Variants in ABCC11 observed in about 807,000 individuals in gnomAD.
ABCC11 encodes ATP-binding cassette sub-family C member 11.
A neutral mutation model predicts 149.3 loss-of-function variants in ABCC11; 135 were observed. The ratio of observed to expected loss-of-function variants is 0.90; its 90% CI spans 0.79 to 1.04. The LOEUF (loss-of-function observed/expected upper bound fraction) is 1.04, where lower values mean the gene tolerates loss of function less well. ABCC11 is among the 50% of genes least tolerant of loss of function. The pLI, the probability that ABCC11 is intolerant of heterozygous loss-of-function variation, is 0.00. For missense variants in ABCC11, 1,680 were observed against 1,722.1 expected (o/e 0.98, Z 0.43); for synonymous variants, 665 against 671.4 (o/e 0.99, Z 0.15).
chr16:48,215,421 C>A, intron 7 of ABCC11, 77 bp from the exon 8 acceptor site: 2 of 1,510,230 alleles, frequency 1.3e-6, no homozygotes, highest in Non-Finnish European at 1.8e-6. Context: ...TTCAGCCTGG[C>A]ATAAGTAGGG....
chr16:48,169,915 TA>T (rs1461569571), intron 28 of ABCC11, among the ~76,000 whole-genome samples, 189 bp downstream of exon 28: 1 of 152,008 alleles, frequency 6.6e-6, no homozygotes. Flanking sequence ...TAAAGTATAA[TA>T]ATAAAAAAAA....
chr16:48,172,347 G>T (rs1403851713), intron 26 of ABCC11, among the ~76,000 whole-genome samples: 1 of 152,124 alleles, frequency 6.6e-6, no homozygotes, highest in Non-Finnish European at 1.5e-5. Context: ...ACACATATGG[G>T]TTGAAGTCTC....
chr16:48,208,890 T>G (rs956556541), intron 11 of ABCC11, among the ~76,000 whole-genome samples: 5 of 152,176 alleles, frequency 3.3e-5, no homozygotes, highest in Admixed American at 6.5e-5. Context: ...ATGCATGCAT[T>G]CATTTATTGA....
At position 48,193,875 on chromosome 16, in the gene ABCC11, T is replaced by C; in HGVS notation, c.2508+4A>G. The C allele has an allele frequency of 6.2e-7, 1 of 1,611,780 alleles. No individual in the cohort carries two copies. The highest frequency in any genetic ancestry group is 8.5e-7 in the Non-Finnish European group (1 of 1,178,240). On this transcript the variant is annotated splice_donor_region_variant and intron_variant, in intron 19 of 29. Coordinates refer to ENST00000356608, the MANE Select transcript of ABCC11 (RefSeq NM_001370497.1). ...ACACAGCCCATCCACCTCATGGCAC[T>C]CACCCCCGAGCCCTGCTCCAACCAG...
intron 10 of ABCC11, among the ~76,000 whole-genome samples, chr16:48,212,072 AGT>A (rs574653848): frequency 6.6e-6 from 1 of 152,206 alleles, no homozygotes; most frequent in Non-Finnish European, 1.5e-5. Flanking sequence ...GGGTGAACCC[AGT>A]GTCCCATGGG....
chr16:48,227,710 A>G lies in ABCC11; in HGVS notation c.395+96T>C, dbSNP rs1596834569. ...TACAGGAAGAGCCAAGTCGTCTGGC[A>G]TGGCCCCTCCCTACCACCCTTAGGC... is the stretch of plus-strand genomic sequence containing the variant. On this transcript the variant is annotated intron_variant, in intron 4 of 29. Coordinates refer to ENST00000356608, the MANE Select transcript of ABCC11 (RefSeq NM_001370497.1). The G allele has an allele frequency of 5.8e-6, 9 of 1,541,004 alleles. No individual in the cohort carries two copies. The East Asian group carries it at 2.0e-4, about 35-fold the overall frequency.
chr16:48,225,645 G>A (rs896043301), intron 4 of ABCC11, among the ~76,000 whole-genome samples: 8 of 152,074 alleles, frequency 5.3e-5, no homozygotes, highest in Non-Finnish European at 1.0e-4. Flanking sequence ...ACTTCCTGTC[G>A]CCTCACATCA....
At chr16:48,236,252 G>A (rs1312031581) in intron 1 of ABCC11, among the ~76,000 whole-genome samples, 2 of 152,134 alleles carry the variant, frequency 1.3e-5, no homozygotes, top group East Asian at 3.9e-4. Flanking sequence ...CTCTCACCTT[G>A]ATCTTTGCAT....
rs144013747 is a variant in ABCC11 at position 48,195,906 on chromosome 16, G to A, written c.2404+326C>T. 4.0e-3 allele frequency among the ~76,000 whole-genome samples: 605 copies of A among 152,226 alleles called. 2 individuals are homozygous for A. Among genetic ancestry groups the A allele is most frequent in the Non-Finnish European group, 6.8e-3 (460 of 68,018 alleles). On this transcript the variant is annotated intron_variant, in intron 18 of 29. Transcript: ENST00000356608. ...AGGGGCACTTTGGGAGGCTGAGATG[G>A]GAGGATTGCTTGAGGCCAGGAGCTC...
intron 22 of ABCC11, among the ~76,000 whole-genome samples, chr16:48,186,198 C>T (rs909888296): frequency 5.3e-5 from 8 of 152,154 alleles, no homozygotes; most frequent in Non-Finnish European, 8.8e-5. Flanking sequence ...TGAGCACATA[C>T]CGTCTCCCAA....
At chr16:48,209,636 A>C (rs568562467) in intron 11 of ABCC11, 1 of 152,746 alleles carries the variant, frequency 6.5e-6, no homozygotes, top group African/African-American at 2.4e-5. Flanking sequence ...GTGCAGGTCT[A>C]CCGCCCAGGT....
At chr16:48,178,769 G>T in intron 23 of ABCC11, 83 bp from the exon 24 acceptor site, 1 of 1,228,268 alleles carries the variant, frequency 8.1e-7, no homozygotes, top group Admixed American at 1.8e-5. Context: ...ACCACTGATT[G>T]CCATTGCCCC....
At chr16:48,167,686 G>T in intron 28 of ABCC11, 26 bp from the exon 29 acceptor site, 2 of 1,613,070 alleles carry the variant, frequency 1.2e-6, no homozygotes, top group Non-Finnish European at 8.5e-7. Context: ...CAGGGGTGAA[G>T]GTGTCTACTT....
chr16:48,196,149 T>C, intron 18 of ABCC11, 83 bp downstream of exon 18: 1 of 1,413,650 alleles, frequency 7.1e-7, no homozygotes, highest in South Asian at 1.2e-5. Flanking sequence ...CTACTTCACA[T>C]GACCTCACGT....
chr16:48,193,738 G>C, intron 19 of ABCC11, 141 bp downstream of exon 19: 1 of 647,246 alleles, frequency 1.5e-6, no homozygotes, highest in Non-Finnish European at 2.6e-6. Context: ...GGCTCCCCAC[G>C]GTTCTCTCTG....
Position 48,216,160 on chromosome 16 carries a change from G to A in ABCC11, c.905C>T (p.Thr302Ile). The A allele has an allele frequency of 6.2e-7, 1 of 1,614,224 alleles. No individual in the cohort carries two copies. The highest frequency in any genetic ancestry group is 8.5e-7 in the Non-Finnish European group (1 of 1,180,038). ...ATAGCATAAGATGGCAATAAATGCA[G>A]TGTATCCAATAATGAAGTAGGAAGA... Reference protein sequence around the residue: ...SISSYFIIGYTAFIAILCYLL... With the variant: ...SISSYFIIGYIAFIAILCYLL... Residue 302 changes from threonine (T) to isoleucine (I), a missense_variant, in exon 7 of 30, where the codon ACT (threonine) becomes ATT (isoleucine). Physicochemically the swap from Thr to Ile is moderately conservative, Grantham distance 89. Transcript: ENST00000356608.
chr16:48,222,553 A>G (rs1382508520), intron 6 of ABCC11, 45 bp downstream of exon 6: 11 of 1,537,006 alleles, frequency 7.2e-6, no homozygotes, highest in African/African-American at 1.4e-5. Flanking sequence ...GTCCGGAGGA[A>G]GGGTAGGGAA....
At chr16:48,183,830 T>G (rs367698531) in intron 23 of ABCC11, among the ~76,000 whole-genome samples, 2 of 152,198 alleles carry the variant, frequency 1.3e-5, no homozygotes, top group Admixed American at 1.3e-4. Flanking sequence ...TCTATGGCTG[T>G]GGCCCTTGAC....
At chr16:48,193,048 C>G (rs1967066247) in intron 19 of ABCC11, among the ~76,000 whole-genome samples, 1 of 152,112 alleles carries the variant, frequency 6.6e-6, no homozygotes, top group Non-Finnish European at 1.5e-5. Flanking sequence ...AGGAGAGGCA[C>G]CCACAGGGAA....
Sources: allele counts gnomAD v4.1 joint callset (sites outside exome capture counted in the v4.1 genomes callset), GRCh38; gene constraint gnomAD v4.1.1; transcripts MANE v1.5; gene names NCBI Gene and HGNC (gene_info 2026-07-23, HGNC 2026-07-21).